RAB3C: variants seen among roughly 807,000 people sequenced by gnomAD.
RAB3C encodes ras-related protein Rab-3C.
RAB3C carries 17 observed loss-of-function variants against 26.4 expected under a neutral mutation model. The observed-to-expected ratio is 0.64, with a 90% CI of 0.44 to 0.97. The LOEUF (loss-of-function observed/expected upper bound fraction) is 0.97, where lower values mean the gene tolerates loss of function less well. Among genes scored for constraint, RAB3C ranks in the 50% least tolerant of loss-of-function variants. The pLI is 0.00. For missense variants in RAB3C, 242 were observed against 281.9 expected (o/e 0.86, Z 1.01); for synonymous variants, 91 against 95.9 (o/e 0.95, Z 0.30).
chr5:58,691,657 A>G (rs918049653), intron 2 of RAB3C, among the ~76,000 whole-genome samples: 4 of 152,172 alleles, frequency 2.6e-5, no homozygotes, highest in Admixed American at 6.5e-5. Context: ...TAATAATGTC[A>G]TATTACTGAA....
At chr5:58,690,600 T>G (rs1372076157) in intron 2 of RAB3C, among the ~76,000 whole-genome samples, 2 of 152,180 alleles carry the variant, frequency 1.3e-5, no homozygotes, top group Non-Finnish European at 2.9e-5. Flanking sequence ...TAGGTCTTTC[T>G]GTCTCTCTGT....
At chr5:58,769,255 C>T (rs1048902902) in intron 3 of RAB3C, among the ~76,000 whole-genome samples, 2 of 151,910 alleles carry the variant, frequency 1.3e-5, no homozygotes, top group African/African-American at 4.8e-5. Flanking sequence ...TTGAAATTTC[C>T]ATTGGATGTC....
At chr5:58,825,460 G>T (rs369835129) in intron 4 of RAB3C, among the ~76,000 whole-genome samples, 137 of 152,008 alleles carry the variant, frequency 9.0e-4, no homozygotes, top group Middle Eastern at 3.4e-3. Context: ...GTTATTTTTG[G>T]TTTTTTTCCC....
At chr5:58,602,095 T>G (rs1456465126) in intron 1 of RAB3C, among the ~76,000 whole-genome samples, 1 of 151,922 alleles carries the variant, frequency 6.6e-6, no homozygotes, top group East Asian at 1.9e-4. Context: ...CCATCCTGAT[T>G]TTTTTTTGAC....
At chr5:58,677,734 C>G (rs1748257636) in intron 2 of RAB3C, among the ~76,000 whole-genome samples, 1 of 152,090 alleles carries the variant, frequency 6.6e-6, no homozygotes, top group African/African-American at 2.4e-5. Context: ...TAGCGGCTAT[C>G]TAGAAATTTG....
intron 2 of RAB3C, among the ~76,000 whole-genome samples, chr5:58,623,167 A>G (rs926420942): frequency 5.3e-5 from 8 of 152,230 alleles, no homozygotes; most frequent in African/African-American, 1.7e-4. Context: ...GGACTGGAAC[A>G]CATTCAACTA....
chr5:58,816,401 T>A (rs577302414), intron 3 of RAB3C, among the ~76,000 whole-genome samples: 1 of 152,214 alleles, frequency 6.6e-6, no homozygotes, highest in Non-Finnish European at 1.5e-5. Context: ...ATACTCCAAC[T>A]TCTGTCAGTC....
At chr5:58,710,024 G>A (rs1471873831) in intron 2 of RAB3C, among the ~76,000 whole-genome samples, 5 of 152,080 alleles carry the variant, frequency 3.3e-5, no homozygotes, top group Non-Finnish European at 5.9e-5. Flanking sequence ...AAGTACACTA[G>A]GCTGTCTGAG....
At chr5:58,838,388 A>G (rs950665958) in intron 4 of RAB3C, among the ~76,000 whole-genome samples, 1 of 152,146 alleles carries the variant, frequency 6.6e-6, no homozygotes, top group Non-Finnish European at 1.5e-5. Context: ...CAAAAAAAAA[A>G]AAAAACTTTT....
chr5:58,826,380 A>G (rs1743478315), intron 4 of RAB3C, among the ~76,000 whole-genome samples: 2 of 152,202 alleles, frequency 1.3e-5, no homozygotes, highest in African/African-American at 2.4e-5. Context: ...GTGAGAGGAC[A>G]GTGAATAGAA....
At chr5:58,685,702 G>C (rs1375303351) in intron 2 of RAB3C, among the ~76,000 whole-genome samples, 1 of 152,174 alleles carries the variant, frequency 6.6e-6, no homozygotes, top group Non-Finnish European at 1.5e-5. Context: ...ATACTTACCA[G>C]ACTGTTATTG....
At chr5:58,718,099 GC>G (rs1182324616) in intron 2 of RAB3C, among the ~76,000 whole-genome samples, 1 of 152,072 alleles carries the variant, frequency 6.6e-6, no homozygotes, top group Non-Finnish European at 1.5e-5. Context: ...GCTGTAAGCT[GC>G]CTGCATTTAT....
At position 58,721,152 on chromosome 5, in the gene RAB3C, G is replaced by GT. The variant is rs555427363; in HGVS notation, c.253-4849dup. On this transcript the variant is annotated intron_variant, in intron 2 of 4. Transcript: ENST00000282878. ...TAGTTTTTTCTTGACAGATATTCAA[G>GT]TATTTGTTAATCAAACTTGCCATTA... is the stretch of plus-strand genomic sequence containing the variant. Among the ~76,000 whole-genome samples, 326 of 149,534 alleles carry GT rather than the reference G, an allele frequency of 2.2e-3. 1 individual carries two copies. Among genetic ancestry groups the GT allele is most frequent in the Non-Finnish European group, 3.5e-3 (238 of 67,564 alleles).
chr5:58,685,251 T>C (rs1001038384), intron 2 of RAB3C, among the ~76,000 whole-genome samples: 1 of 152,170 alleles, frequency 6.6e-6, no homozygotes, highest in African/African-American at 2.4e-5. Flanking sequence ...TATTATCTTA[T>C]GTTCTTGGGG....
intron 2 of RAB3C, among the ~76,000 whole-genome samples, chr5:58,724,065 A>G (rs1251773237): frequency 6.6e-6 from 1 of 151,812 alleles, no homozygotes; most frequent in Non-Finnish European, 1.5e-5. Flanking sequence ...TCTGCCTCTG[A>G]TTCCCAAATT....
Position 58,858,205 on chromosome 5 carries a change from T to A in RAB3C, c.*6854T>A, listed in dbSNP as rs889811172. On this transcript the variant is annotated 3_prime_UTR_variant, in exon 5 of 5. Coordinates refer to ENST00000282878, the MANE Select transcript of RAB3C (RefSeq NM_138453.4). ...ATGGATTTGGTCTATGTGGGTGATA[T>A]GTGGCCTGAATGTAACTGTGATAGA... The A allele has an allele frequency of 6.6e-6, 1 of 152,186 alleles. No individual in the cohort carries two copies. The highest frequency in any genetic ancestry group is 2.4e-5 in the African/African-American group (1 of 41,448). The allele number at this position is 152,186 out of a possible 1,614,324, so 9.4% of individuals were successfully genotyped here.
In RAB3C at chr5:58,637,284, A is replaced by G. The variant is rs572097545; in HGVS notation, c.252+19414A>G. On this transcript the variant is annotated intron_variant, in intron 2 of 4. Coordinates refer to ENST00000282878, the MANE Select transcript of RAB3C (RefSeq NM_138453.4). ...AACAAGTGTTGAACATTCAAGCTGT[A>G]TTCTGTAATTTTTTACCTGCTTTTC... 7.9e-5 allele frequency among the ~76,000 whole-genome samples: 12 copies of G among 152,180 alleles called. No individual in the cohort carries two copies. In the East Asian group the frequency reaches 2.1e-3, roughly 27 times the overall value.
intron 2 of RAB3C, among the ~76,000 whole-genome samples, chr5:58,633,766 A>G (rs528236191): frequency 1.3e-5 from 2 of 152,254 alleles, no homozygotes; most frequent in Admixed American, 6.5e-5. Context: ...ATATTGAATT[A>G]ATGAATGGGT....
intron 2 of RAB3C, among the ~76,000 whole-genome samples, chr5:58,709,749 G>A (rs868687301): frequency 1.1e-4 from 16 of 152,188 alleles, no homozygotes; most frequent in African/African-American, 3.4e-4. Context: ...TTATGGATCC[G>A]AGCGCCAGTC....
Sources: allele counts gnomAD v4.1 joint callset (sites outside exome capture counted in the v4.1 genomes callset), GRCh38; gene constraint gnomAD v4.1.1; transcripts MANE v1.5; gene names NCBI Gene and HGNC (gene_info 2026-07-23, HGNC 2026-07-21).